Variants in XKR9 observed in about 807,000 individuals in gnomAD.
XKR9 encodes the protein XK related 9.
A neutral mutation model predicts 32.0 loss-of-function variants in XKR9; 32 were observed. That is an observed-to-expected ratio of 1.00 (90% CI 0.76 to 1.34). XKR9 has a LOEUF of 1.34. Among genes scored for constraint, XKR9 ranks in the 40% most tolerant of loss-of-function variants. The pLI is 0.00. For missense variants in XKR9, 546 were observed against 429.7 expected (o/e 1.27, Z -2.39); for synonymous variants, 168 against 143.4 (o/e 1.17, Z -1.22).
chr8:70,797,488 A>G, the XKR9 span, among the ~76,000 whole-genome samples: 2 of 152,160 alleles, frequency 1.3e-5, no homozygotes, highest in African/African-American at 4.8e-5. Flanking sequence ...CTTATCAGAT[A>G]TGATCCCAAA....
At chr8:70,704,493 C>T (rs1805651493) in intron 3 of XKR9, among the ~76,000 whole-genome samples, 1 of 152,072 alleles carries the variant, frequency 6.6e-6, no homozygotes, top group Non-Finnish European at 1.5e-5. Context: ...TCACATCAAC[C>T]CAATGAGGGA....
the XKR9 span, among the ~76,000 whole-genome samples, chr8:71,036,956 C>T: frequency 1.3e-5 from 2 of 150,826 alleles, no homozygotes; most frequent in African/African-American, 4.9e-5. Context: ...TTAAGCAATC[C>T]GCCTGCCTTG....
At chr8:70,921,282 G>A in the XKR9 span, among the ~76,000 whole-genome samples, 1 of 152,282 alleles carries the variant, frequency 6.6e-6, no homozygotes, top group South Asian at 2.1e-4. Context: ...CCCTTTCTGT[G>A]GAGGCCTCTG....
the XKR9 span, among the ~76,000 whole-genome samples, chr8:70,951,936 A>C: frequency 6.6e-6 from 1 of 152,086 alleles, no homozygotes; most frequent in African/African-American, 2.4e-5. Context: ...ACTCATTAGC[A>C]ACCTCCTGAA....
intron 4 of XKR9, among the ~76,000 whole-genome samples, chr8:70,721,544 T>C (rs118005052): frequency 0.056 from 8,553 of 152,246 alleles, 317 homozygotes; most frequent in Non-Finnish European, 0.08. Flanking sequence ...TATTTCTGTT[T>C]TTATTTTGTT....
Position 70,712,919 on chromosome 8 carries a change from A to G in XKR9, c.493+5766A>G, listed in dbSNP as rs1053344452. 2.0e-5 allele frequency among the ~76,000 whole-genome samples: 3 copies of G among 152,190 alleles called. No homozygotes were observed. In the South Asian group the frequency reaches 6.2e-4, roughly 31 times the overall value. ...GAAAACAAAAGTTTGACAGTAGTTT[A>G]TAGCACCAAAACAACTAAGATATCA... On this transcript the variant is annotated intron_variant, in intron 4 of 4. Transcript: ENST00000408926.
At chr8:70,843,773 C>T in the XKR9 span, among the ~76,000 whole-genome samples, 1 of 152,136 alleles carries the variant, frequency 6.6e-6, no homozygotes, top group African/African-American at 2.4e-5. Context: ...TGCCTAGAAA[C>T]TGTGCAATGG....
At chr8:70,993,601 TCTTC>T in the XKR9 span, among the ~76,000 whole-genome samples, 12,140 of 103,850 alleles carry the variant, frequency 0.12, 660 homozygotes, top group South Asian at 0.16. Context: ...TCATAGGACA[TCTTC>T]CTTCCTTCCT....
chr8:70,728,084 TAAACTAG>T (rs965653667), intron 4 of XKR9, among the ~76,000 whole-genome samples: 3 of 152,180 alleles, frequency 2.0e-5, no homozygotes, highest in South Asian at 2.1e-4. Context: ...TATCTTTTTT[TAAACTAG>T]AAACTAGAAA....
chr8:70,888,001 T>C, the XKR9 span, among the ~76,000 whole-genome samples: 17 of 152,144 alleles, frequency 1.1e-4, no homozygotes, highest in Admixed American at 2.0e-4. Flanking sequence ...TGTCTTTTGC[T>C]AGTTTTCAAA....
the XKR9 span, among the ~76,000 whole-genome samples, chr8:70,935,291 TTTAC>T: frequency 1.3e-5 from 2 of 151,526 alleles, no homozygotes; most frequent in Admixed American, 6.6e-5. Flanking sequence ...TATTTTGAGT[TTTAC>T]TTACTTAAAA....
At chr8:70,965,111 T>G in the XKR9 span, among the ~76,000 whole-genome samples, 11 of 152,140 alleles carry the variant, frequency 7.2e-5, no homozygotes, top group Non-Finnish European at 1.2e-4. Flanking sequence ...ATTATTTTGA[T>G]GTATATTCCT....
the XKR9 span, among the ~76,000 whole-genome samples, chr8:70,807,830 C>T: frequency 3.9e-5 from 6 of 152,140 alleles, no homozygotes; most frequent in Non-Finnish European, 7.3e-5. Flanking sequence ...TTTAACACCC[C>T]ACTGTCAATA....
At chr8:70,849,355 C>A in the XKR9 span, among the ~76,000 whole-genome samples, 1 of 152,150 alleles carries the variant, frequency 6.6e-6, no homozygotes, top group Admixed American at 6.5e-5. Context: ...CAACCTGCTC[C>A]AGAATGACTA....
the XKR9 span, among the ~76,000 whole-genome samples, chr8:70,829,297 G>T: frequency 2.6e-5 from 3 of 115,898 alleles, no homozygotes; most frequent in Admixed American, 2.5e-4. Context: ...TTAAAACAAT[G>T]AACATTTAAT....
chr8:70,836,159 A>G, the XKR9 span, among the ~76,000 whole-genome samples: 1 of 152,064 alleles, frequency 6.6e-6, no homozygotes, highest in East Asian at 1.9e-4. Context: ...GCTTTCCTCA[A>G]CCACTTCAGC....
At chr8:71,022,341 C>G in the XKR9 span, among the ~76,000 whole-genome samples, 1 of 152,212 alleles carries the variant, frequency 6.6e-6, no homozygotes, top group South Asian at 2.1e-4. Context: ...TTAGTTTTTG[C>G]TTGTCTGAGA....
chr8:70,709,972 C>G (rs62530796), intron 4 of XKR9, among the ~76,000 whole-genome samples: 11,060 of 152,082 alleles, frequency 0.073, 486 homozygotes, highest in Non-Finnish European at 0.089. Flanking sequence ...CAAAAGACCC[C>G]AAATAGCCAA....
the XKR9 span, among the ~76,000 whole-genome samples, chr8:70,903,578 CA>C: frequency 1.3e-5 from 2 of 152,086 alleles, no homozygotes; most frequent in South Asian, 4.2e-4. Context: ...TTGATCTTTT[CA>C]AAAAACCAGC....
Sources: gnomAD v4.1 joint callset for allele counts (sites outside exome capture counted in the v4.1 genomes callset) on GRCh38, gnomAD v4.1.1 for gene constraint, MANE v1.5 for transcripts, NCBI Gene and HGNC (gene_info 2026-07-23, HGNC 2026-07-21) for gene names.